The following RHOA variants were observed in gnomAD, a reference collection of about 807,000 sequenced individuals.
RHOA encodes ras homolog family member A, also known as transforming protein RhoA.
A neutral mutation model predicts 17.5 loss-of-function variants in RHOA; 3 were observed. The observed-to-expected ratio is 0.17, with a 90% confidence interval of 0.08 to 0.44. RHOA has a LOEUF of 0.44. RHOA is among the 20% of genes least tolerant of loss of function. The pLI is 0.99. For synonymous variants in RHOA, 98 were observed against 88.4 expected (o/e 1.11, Z -0.61); for missense variants, 56 against 242.3 (o/e 0.23, Z 5.10).
Position 49,363,262 on chromosome 3 carries a change from CAA to C in RHOA, c.278-638_278-637del, listed in dbSNP as rs905728959. Among the ~76,000 whole-genome samples, 3 of 151,468 alleles carry C rather than the reference CAA, an allele frequency of 2.0e-5. No individual in the cohort carries two copies. In the South Asian group the frequency reaches 6.2e-4, roughly 32 times the overall value. On this transcript the variant is annotated intron_variant, in intron 3 of 4. Transcript: ENST00000418115. Reference sequence around the variant, plus strand: ...TGAAACCCCGTCTCTACTAAAAATACAAAAAAAATTAGCCGGGTGTAGTGGTG... The same window carrying C: ...TGAAACCCCGTCTCTACTAAAAATACAAAAAATTAGCCGGGTGTAGTGGTG...
chr3:49,360,025 G>A lies in RHOA; in HGVS notation c.*184C>T. 3.2e-6 allele frequency: 2 copies of A among 628,526 alleles called. No homozygotes were observed. The highest frequency in any genetic ancestry group is 5.2e-6 in the Non-Finnish European group (2 of 385,612). The allele number at this position is 628,526 out of a possible 1,614,324, so 38.9% of individuals were successfully genotyped here. On this transcript the variant is annotated 3_prime_UTR_variant, in exon 5 of 5. Coordinates refer to ENST00000418115, the MANE Select transcript of RHOA (RefSeq NM_001664.4). ...AGAGCAGTGTCAAAAGGACCCTGGT[G>A]GGCCAGACGGGTTGGACATCGTTAA...
intron 2 of RHOA, among the ~76,000 whole-genome samples, chr3:49,372,480 C>T (rs1333205807): frequency 6.6e-6 from 1 of 152,162 alleles, no homozygotes; most frequent in Non-Finnish European, 1.5e-5. Flanking sequence ...GTGGCTCACG[C>T]CTGTAATCCC....
intron 1 of RHOA, among the ~76,000 whole-genome samples, chr3:49,405,795 C>T (rs1164491658): frequency 6.6e-6 from 1 of 152,142 alleles, no homozygotes; most frequent in East Asian, 1.9e-4. Flanking sequence ...AGGGATTCTC[C>T]TGCTTCAGCC....
intron 1 of RHOA, among the ~76,000 whole-genome samples, chr3:49,383,054 T>C (rs2048342388): frequency 7.0e-6 from 1 of 143,588 alleles, no homozygotes; most frequent in African/African-American, 2.6e-5. Context: ...AACTCCATCG[T>C]ATCAGAAAAA....
chr3:49,389,276 T>C (rs184372302), intron 1 of RHOA, among the ~76,000 whole-genome samples: 7 of 151,786 alleles, frequency 4.6e-5, no homozygotes, highest in Admixed American at 1.3e-4. Flanking sequence ...GATTGTGACA[T>C]TGCGCTCCAG....
Position 49,359,954 on chromosome 3 carries a change from G to A in RHOA, c.*255C>T, listed in dbSNP as rs1485383372. 7.5e-6 allele frequency: 3 copies of A among 399,440 alleles called. No individual in the cohort carries two copies. The highest frequency in any genetic ancestry group is 1.3e-5 in the Non-Finnish European group (3 of 224,132). The allele number at this position is 399,440 out of a possible 1,614,324, so 24.7% of individuals were successfully genotyped here. On this transcript the variant is annotated 3_prime_UTR_variant, in exon 5 of 5. Coordinates refer to ENST00000418115, the MANE Select transcript of RHOA (RefSeq NM_001664.4). ...GAAGCAAGAAGTTAAGAAATTCCTT[G>A]AATTAGCGCCTGGTGTGTCAGGTGG... is the stretch of plus-strand genomic sequence containing the variant.
At chr3:49,393,343 G>A (rs1361675740) in intron 1 of RHOA, among the ~76,000 whole-genome samples, 1 of 151,872 alleles carries the variant, frequency 6.6e-6, no homozygotes, top group Non-Finnish European at 1.5e-5. Flanking sequence ...GTCTGCCTCT[G>A]TCACCCAGAC....
intron 2 of RHOA, 125 bp from the exon 3 acceptor site, chr3:49,368,673 T>TAAA (rs2048097554): frequency 3.1e-6 from 3 of 953,216 alleles, no homozygotes. Context: ...TCTAAAACAG[T>TAAA]AAAACACAGG....
chr3:49,399,900 A>C (rs116349013), intron 1 of RHOA, among the ~76,000 whole-genome samples: 1,560 of 152,304 alleles, frequency 0.01, 17 homozygotes, highest in Non-Finnish European at 0.016. Context: ...CATATGCAAA[A>C]ATCCATCTTG....
chr3:49,381,933 C>A (rs975050357), intron 1 of RHOA, among the ~76,000 whole-genome samples: 1 of 151,884 alleles, frequency 6.6e-6, no homozygotes, highest in Non-Finnish European at 1.5e-5. Flanking sequence ...TGCCTGTAAT[C>A]CCATCTACTC....
chr3:49,380,679 AT>A (rs2048301386), intron 1 of RHOA, among the ~76,000 whole-genome samples: 1 of 32,326 alleles, frequency 3.1e-5, no homozygotes, highest in Non-Finnish European at 5.0e-5. Context: ...CTCAAAAATA[AT>A]AATAATAATA....
chr3:49,398,555 G>T (rs948668765), intron 1 of RHOA, among the ~76,000 whole-genome samples: 10 of 151,864 alleles, frequency 6.6e-5, no homozygotes, highest in Non-Finnish European at 7.4e-5. Flanking sequence ...AGGGCGCGGT[G>T]GCTCACGCCT....
chr3:49,374,933 C>T (rs1442899973), intron 2 of RHOA, among the ~76,000 whole-genome samples: 1 of 151,504 alleles, frequency 6.6e-6, no homozygotes, highest in Non-Finnish European at 1.5e-5. Flanking sequence ...GGCATATTCC[C>T]GTAATCCCAG....
chr3:49,407,064 T>C (rs150752628), intron 1 of RHOA, among the ~76,000 whole-genome samples: 2 of 151,826 alleles, frequency 1.3e-5, no homozygotes, highest in Admixed American at 1.3e-4. Flanking sequence ...CGAGAATCGC[T>C]TGAACCTGGG....
intron 1 of RHOA, among the ~76,000 whole-genome samples, chr3:49,383,516 A>G (rs2048350081): frequency 6.6e-6 from 1 of 152,028 alleles, no homozygotes; most frequent in Admixed American, 6.6e-5. Flanking sequence ...TTATGGTTTG[A>G]AAAGTTTCCT....
intron 1 of RHOA, among the ~76,000 whole-genome samples, chr3:49,389,798 G>A (rs2048465111): frequency 6.6e-6 from 1 of 151,936 alleles, no homozygotes; most frequent in Non-Finnish European, 1.5e-5. Context: ...TTAGCCGGGC[G>A]TGGTGGCAGG....
chr3:49,399,864 T>C (rs1202152414), intron 1 of RHOA, among the ~76,000 whole-genome samples: 2 of 152,068 alleles, frequency 1.3e-5, no homozygotes, highest in African/African-American at 4.8e-5. Flanking sequence ...GTAGATTACA[T>C]CAAGGGGGTA....
intron 1 of RHOA, among the ~76,000 whole-genome samples, chr3:49,401,556 CT>C (rs571414346): frequency 1.8e-4 from 6 of 32,754 alleles, no homozygotes; most frequent in African/African-American, 4.4e-4. Flanking sequence ...GAAACTCTGT[CT>C]CAAAAAAAAA....
chr3:49,402,894 G>T (rs574298101), intron 1 of RHOA, among the ~76,000 whole-genome samples: 1 of 151,890 alleles, frequency 6.6e-6, no homozygotes, highest in Non-Finnish European at 1.5e-5. Context: ...AAAATTAGCC[G>T]GGCGTGGTGG....
Sources: gnomAD v4.1 joint callset for allele counts (sites outside exome capture counted in the v4.1 genomes callset) on GRCh38, gnomAD v4.1.1 for gene constraint, MANE v1.5 for transcripts, NCBI Gene and HGNC (gene_info 2026-07-23, HGNC 2026-07-21) for gene names.